LRRC37A3: variants seen among roughly 807,000 people sequenced by gnomAD.
The protein encoded by LRRC37A3 is leucine rich repeat containing 37 member A3.
A neutral mutation model predicts 106.2 loss-of-function variants in LRRC37A3; 25 were observed. The ratio of observed to expected loss-of-function variants is 0.24; its 90% confidence interval spans 0.17 to 0.33. The LOEUF (loss-of-function observed/expected upper bound fraction) is 0.33. LRRC37A3 is among the 10% of genes least tolerant of loss of function. LRRC37A3 has a pLI of 1.00. For missense variants in LRRC37A3, 712 were observed against 1,644.9 expected (o/e 0.43, Z 9.81); for synonymous variants, 305 against 635.8 (o/e 0.48, Z 7.83).
At chr17:64,915,629 T>C (rs1236020954) in intron 2 of LRRC37A3, among the ~76,000 whole-genome samples, 5 of 152,176 alleles carry the variant, frequency 3.3e-5, no homozygotes, top group Non-Finnish European at 7.3e-5. Context: ...ACCAAATGTG[T>C]AAAAGAAAAA....
chr17:64,866,581 T>C (rs1316172140), intron 10 of LRRC37A3, among the ~76,000 whole-genome samples: 1 of 85,296 alleles, frequency 1.2e-5, no homozygotes, highest in Admixed American at 1.3e-4. Context: ...TATACATATA[T>C]ACACGTACAT....
chr17:64,857,002 A>T lies in LRRC37A3; in HGVS notation c.4810-1113T>A, dbSNP rs1415403014. 2.0e-5 allele frequency among the ~76,000 whole-genome samples: 3 copies of T among 152,234 alleles called. No individual in the cohort carries two copies. In the South Asian group the frequency reaches 6.2e-4, roughly 32 times the overall value. On this transcript the variant is annotated intron_variant, in intron 13 of 14. Transcript: ENST00000584306. ...GAGAAGGGAAAAAAAAGGAAAGGAA[A>T]GGAAAGGAAAAAGGAAAAGGGAAAG...
intron 10 of LRRC37A3, among the ~76,000 whole-genome samples, chr17:64,868,179 A>G (rs1486408015): frequency 1.3e-5 from 2 of 152,186 alleles, no homozygotes; most frequent in Non-Finnish European, 2.9e-5. Context: ...AAAGTATAGG[A>G]ACAGAAATCA....
At chr17:64,902,715 G>GTC (rs1161768766) in intron 2 of LRRC37A3, among the ~76,000 whole-genome samples, 1 of 125,860 alleles carries the variant, frequency 7.9e-6, no homozygotes, top group African/African-American at 3.3e-5. Flanking sequence ...AATGACAACG[G>GTC]TCTTAAATCC....
At chr17:64,869,563 C>T in intron 8 of LRRC37A3, among the ~76,000 whole-genome samples, 1 of 129,264 alleles carries the variant, frequency 7.7e-6, no homozygotes, top group Admixed American at 8.4e-5. Context: ...GAGATGGAGT[C>T]TCGCTCTTGT....
chr17:64,856,086 G>C (rs1335106278), intron 13 of LRRC37A3, among the ~76,000 whole-genome samples, 197 bp from the exon 14 acceptor site: 1 of 152,022 alleles, frequency 6.6e-6, no homozygotes, highest in Non-Finnish European at 1.5e-5. Flanking sequence ...CGGGGGATTG[G>C]TTCTAGGATA....
Position 64,860,334 on chromosome 17 carries a change from C to A in LRRC37A3, c.3812G>T (p.Arg1271Ile). 6.2e-7 allele frequency: 1 copy of A among 1,613,996 alleles called. No homozygotes were observed. The highest frequency in any genetic ancestry group is 8.5e-7 in the Non-Finnish European group (1 of 1,179,876). The change falls in exon 12 of 15, where the codon AGA (arginine) becomes ATA (isoleucine). Residue 1271 changes from arginine (R) to isoleucine (I), a missense_variant. Coordinates refer to ENST00000584306, the MANE Select transcript of LRRC37A3 (RefSeq NM_199340.5). ...PAKALPQVRD[R>I]WKDLTHAISI... ...AATAGCGTGGGTTAAGTCTTTCCATCTGTCTCTCACCTGTGGTAGGGCTTT... is the reference window on the plus strand; with the variant it reads ...AATAGCGTGGGTTAAGTCTTTCCATATGTCTCTCACCTGTGGTAGGGCTTT...
intron 2 of LRRC37A3, among the ~76,000 whole-genome samples, chr17:64,905,048 A>C (rs1303450399): frequency 2.0e-5 from 3 of 150,168 alleles, no homozygotes; most frequent in Admixed American, 2.0e-4. Context: ...AAATAAATTT[A>C]TTAATTAATA....
chr17:64,883,316 C>T (rs904823522), intron 8 of LRRC37A3, among the ~76,000 whole-genome samples: 3 of 151,408 alleles, frequency 2.0e-5, no homozygotes, highest in Non-Finnish European at 4.4e-5. Context: ...AATAGACAGA[C>T]CCTATCACCC....
chr17:64,910,731 A>G (rs945164249), intron 2 of LRRC37A3, among the ~76,000 whole-genome samples: 47 of 120,058 alleles, frequency 3.9e-4, no homozygotes, highest in African/African-American at 1.5e-3. Flanking sequence ...TGCAACCTCC[A>G]CCTCCCAGGT....
At position 64,869,094 on chromosome 17, in the gene LRRC37A3, C is replaced by T. The variant is rs769365706; in HGVS notation, c.2978+1G>A. 5.6e-6 allele frequency: 9 copies of T among 1,611,324 alleles called. No homozygotes were observed. Among genetic ancestry groups the T allele is most frequent in the South Asian group, 1.1e-5 (1 of 90,334 alleles). ...ACTCATGAGAGTACTATAGTACTTA[C>T]AGATATTTTAATGCTGGCAATTTAA... is the stretch of plus-strand genomic sequence containing the variant. On this transcript the variant is annotated splice_donor_variant, in intron 9 of 14. Transcript: ENST00000584306. LOFTEE classifies it high-confidence loss of function.
chr17:64,856,175 C>T (rs565735365), intron 13 of LRRC37A3, among the ~76,000 whole-genome samples: 10 of 152,164 alleles, frequency 6.6e-5, no homozygotes, highest in East Asian at 1.9e-4. Flanking sequence ...ATAACCAACA[C>T]GCATCCCCCC....
At chr17:64,862,099 A>G (rs1251837478) in intron 11 of LRRC37A3, among the ~76,000 whole-genome samples, 1 of 150,350 alleles carries the variant, frequency 6.7e-6, no homozygotes, top group African/African-American at 2.4e-5. Flanking sequence ...GGAATAACAT[A>G]ATTGGTAAAA....
At chr17:64,902,928 A>C (rs1193582523) in intron 2 of LRRC37A3, among the ~76,000 whole-genome samples, 1 of 152,240 alleles carries the variant, frequency 6.6e-6, no homozygotes, top group South Asian at 2.1e-4. Context: ...GGAAGTTCCT[A>C]AAGTACTAGA....
At chr17:64,919,272 C>T in intron 1 of LRRC37A3, among the ~76,000 whole-genome samples, 159 bp downstream of exon 1, 1 of 151,636 alleles carries the variant, frequency 6.6e-6, no homozygotes, top group Non-Finnish European at 1.5e-5. Context: ...GGAACCGAGG[C>T]GGAGGGAGAA....
chr17:64,890,506 T>C lies in LRRC37A3; in HGVS notation c.2682-754A>G, dbSNP rs918369807. ...CTCTAACCCTAATAGGTAACCACTA[T>C]CCTGACCTTTGTAATAATTTTCTTG... On this transcript the variant is annotated intron_variant, in intron 5 of 14. Coordinates refer to ENST00000584306, the MANE Select transcript of LRRC37A3 (RefSeq NM_199340.5). Among the ~76,000 whole-genome samples the C allele has an allele frequency of 1.3e-4, 15 of 116,316 alleles. 2 individuals carry two copies. The highest frequency in any genetic ancestry group is 7.5e-4 in the African/African-American group (15 of 20,114). 76.3% of individuals were successfully genotyped at this position (116,316 alleles called of 152,430 possible).
chr17:64,860,046 G>T lies in LRRC37A3; in HGVS notation c.4100C>A (p.Pro1367His). The T allele has an allele frequency of 1.2e-6, 2 of 1,613,928 alleles. No individual in the cohort carries two copies. The highest frequency in any genetic ancestry group is 1.7e-6 in the Non-Finnish European group (2 of 1,179,870). ...GAFSSLRDLS[P>H]QENPFLEVSA... ...TACTTCCAGAAAAGGATTTTCTTGA[G>T]GACTCAGGTCTCTTAAGGATGAAAA... Residue 1367 changes from proline (P) to histidine (H), a missense_variant, in exon 12 of 15, where the codon CCT (proline) becomes CAT (histidine). Coordinates refer to ENST00000584306, the MANE Select transcript of LRRC37A3 (RefSeq NM_199340.5).
chr17:64,860,901 C>T lies in LRRC37A3; in HGVS notation c.3245G>A (p.Ser1082Asn). The change falls in exon 12 of 15, where the codon AGC becomes AAC. Residue 1082 changes from serine (S) to asparagine (N), a missense_variant. Physicochemically the swap from Ser to Asn is conservative, Grantham distance 46 (BLOSUM62 1). Coordinates refer to ENST00000584306, the MANE Select transcript of LRRC37A3 (RefSeq NM_199340.5). Reference protein sequence around the residue: ...KVLQARKNYTSTELIIEPEEP... With the variant: ...KVLQARKNYTNTELIIEPEEP... ...CTCCGGCTCAATAATCAGCTCAGTG[C>T]TTGTGTAATTCTTCCGGGCTTGTAA... 1.2e-6 allele frequency: 2 copies of T among 1,614,150 alleles called. No homozygotes were observed. The highest frequency in any genetic ancestry group is 1.7e-6 in the Non-Finnish European group (2 of 1,180,008).
In LRRC37A3 at chr17:64,870,789, C is replaced by T. The variant is rs555371533; in HGVS notation, c.2907-1623G>A. On this transcript the variant is annotated intron_variant, in intron 8 of 14. Coordinates refer to ENST00000584306, the MANE Select transcript of LRRC37A3 (RefSeq NM_199340.5). ...CGTTCTTCATTCTTTTTCTTTCTCT[C>T]TCTTTTTCCTTCCTTCCTTCCCTCC... Among the ~76,000 whole-genome samples, 18 of 152,052 alleles carry T rather than the reference C, an allele frequency of 1.2e-4. No homozygotes were observed. The South Asian group carries it at 3.7e-3, about 32-fold the overall frequency.
Sources: allele counts gnomAD v4.1 joint callset (sites outside exome capture counted in the v4.1 genomes callset), GRCh38; gene constraint gnomAD v4.1.1; transcripts MANE v1.5; gene names NCBI Gene and HGNC (gene_info 2026-07-23, HGNC 2026-07-21).